Variants in ANK2 observed in about 807,000 individuals in gnomAD.
The protein encoded by ANK2 is ankyrin 2.
Under a neutral mutation model 360.5 loss-of-function variants are expected in ANK2, and 83 were observed. The ratio of observed to expected loss-of-function variants is 0.23; its 90% confidence interval spans 0.19 to 0.28. The LOEUF (loss-of-function observed/expected upper bound fraction) is 0.28. Among genes scored for constraint, ANK2 ranks in the 10% least tolerant of loss-of-function variants. ANK2 has a pLI of 1.00. For missense variants in ANK2, 4,201 were observed against 4,795.7 expected (o/e 0.88, Z 3.66); for synonymous variants, 1,740 against 1,759.5 (o/e 0.99, Z 0.28).
chr4:113,111,527 TA>T (rs1158463758), intron 1 of ANK2, among the ~76,000 whole-genome samples: 3 of 152,120 alleles, frequency 2.0e-5, no homozygotes, highest in African/African-American at 7.2e-5. Context: ...TTGACCAAAG[TA>T]AAAGGGCTAA....
chr4:112,890,556 G>GTTTT (rs754680934), intron 1 of ANK2, among the ~76,000 whole-genome samples: 3,913 of 67,460 alleles, frequency 0.058, 665 homozygotes, highest in Admixed American at 0.079. Context: ...CATTTCTGTG[G>GTTTT]TTTTTTTTTT....
chr4:113,340,512 G>C (rs992340811), intron 32 of ANK2, among the ~76,000 whole-genome samples: 1 of 152,064 alleles, frequency 6.6e-6, no homozygotes, highest in African/African-American at 2.4e-5. Flanking sequence ...GGGCAACATG[G>C]TGAAACCCTG....
intron 3 of ANK2, among the ~76,000 whole-genome samples, chr4:113,197,355 C>T (rs1313165729): frequency 6.6e-6 from 1 of 152,192 alleles, no homozygotes; most frequent in African/African-American, 2.4e-5. Flanking sequence ...CATATTTGAA[C>T]TTGTCGAGGA....
At chr4:113,201,519 C>T (rs80153228) in intron 4 of ANK2, among the ~76,000 whole-genome samples, 7,306 of 152,254 alleles carry the variant, frequency 0.048, 215 homozygotes, top group African/African-American at 0.078. Context: ...CAATAATGTA[C>T]TTATACATCA....
chr4:113,076,294 G>A (rs1201838366), intron 1 of ANK2, among the ~76,000 whole-genome samples: 1 of 152,212 alleles, frequency 6.6e-6, no homozygotes, highest in East Asian at 1.9e-4. Flanking sequence ...GCCGCATGTG[G>A]CCTGCGGGCC....
intron 1 of ANK2, among the ~76,000 whole-genome samples, chr4:112,889,247 C>G (rs375090399): frequency 6.7e-6 from 1 of 148,202 alleles, no homozygotes; most frequent in East Asian, 2.0e-4. Flanking sequence ...AAAAAAAAAA[C>G]AAAACCTTAA....
intron 1 of ANK2, among the ~76,000 whole-genome samples, chr4:113,108,445 G>A (rs1180222002): frequency 6.6e-6 from 1 of 152,050 alleles, no homozygotes; most frequent in Non-Finnish European, 1.5e-5. Context: ...AATTGCAATA[G>A]CAACTACAAT....
chr4:112,831,044 T>C (rs1250951773), intron 1 of ANK2, among the ~76,000 whole-genome samples: 1 of 152,168 alleles, frequency 6.6e-6, no homozygotes, highest in Non-Finnish European at 1.5e-5. Flanking sequence ...CATCTCACCA[T>C]AGGGCAGGGC....
chr4:112,736,005 AC>A, the ANK2 span, among the ~76,000 whole-genome samples: 1 of 152,194 alleles, frequency 6.6e-6, no homozygotes, highest in East Asian at 1.9e-4. Flanking sequence ...ACTATAATTT[AC>A]ATAGTCTATG....
At chr4:112,962,050 A>G (rs1561304004) in intron 2 of ANK2, among the ~76,000 whole-genome samples, 1 of 152,146 alleles carries the variant, frequency 6.6e-6, no homozygotes. Flanking sequence ...CTTTTAGAGA[A>G]TGGGAATTTA....
intron 1 of ANK2, among the ~76,000 whole-genome samples, chr4:113,122,639 A>T (rs1259848001): frequency 6.6e-6 from 1 of 152,022 alleles, no homozygotes; most frequent in African/African-American, 2.4e-5. Context: ...CTTAGTGTCT[A>T]CTTATATGTG....
intron 1 of ANK2, among the ~76,000 whole-genome samples, chr4:113,157,336 C>T (rs13152297): frequency 0.68 from 104,120 of 152,064 alleles, 36,216 homozygotes; most frequent in African/African-American, 0.8. Flanking sequence ...TAACAGTCTA[C>T]GTGCTGTTAT....
At chr4:112,951,498 T>G (rs2094995265) in intron 2 of ANK2, among the ~76,000 whole-genome samples, 1 of 152,252 alleles carries the variant, frequency 6.6e-6, no homozygotes, top group Admixed American at 6.5e-5. Context: ...GTAATTTCTT[T>G]GTAAATTCCT....
chr4:113,311,114 TG>T, intron 23 of ANK2, 140 bp from the exon 24 acceptor site: 1 of 1,001,762 alleles, frequency 1.0e-6, no homozygotes, highest in Non-Finnish European at 1.5e-6. Context: ...AGTTGTTTGC[TG>T]GTGTTCTGTG....
the ANK2 span, among the ~76,000 whole-genome samples, chr4:112,739,265 G>A: frequency 6.6e-6 from 1 of 152,158 alleles, no homozygotes; most frequent in African/African-American, 2.4e-5. Flanking sequence ...ATATTTAATG[G>A]TTTGATGCAC....
Position 113,038,146 on chromosome 4 carries a change from G to A in ANK2, c.21+133632G>A, listed in dbSNP as rs1298109741. ...TGTTACGAGGTCATATAGATGTTAC[G>A]TAGAAGAGGAGGGGCCAAGGAGAGT... On this transcript the variant is annotated intron_variant, in intron 2 of 30. Coordinates refer to the ANK2 transcript ENST00000503271. 4.6e-5 allele frequency among the ~76,000 whole-genome samples: 7 copies of A among 151,750 alleles called. No homozygotes were observed. In the East Asian group the frequency reaches 9.7e-4, roughly 21 times the overall value.
At chr4:112,950,681 A>G (rs1442844456) in intron 2 of ANK2, among the ~76,000 whole-genome samples, 1 of 151,780 alleles carries the variant, frequency 6.6e-6, no homozygotes, top group Non-Finnish European at 1.5e-5. Context: ...AGAAAGGTTA[A>G]AAAATAAAAA....
intron 4 of ANK2, among the ~76,000 whole-genome samples, chr4:113,200,368 T>C (rs2098812284): frequency 6.6e-6 from 1 of 152,198 alleles, no homozygotes; most frequent in Non-Finnish European, 1.5e-5. Flanking sequence ...CAAACTTTAT[T>C]TTACTTAGAT....
chr4:113,225,180 T>G (rs972410446), intron 4 of ANK2, among the ~76,000 whole-genome samples: 1 of 152,218 alleles, frequency 6.6e-6, no homozygotes, highest in Non-Finnish European at 1.5e-5. Flanking sequence ...TAATGTTCTC[T>G]CTGATCTGTG....
Sources: allele counts gnomAD v4.1 joint callset (sites outside exome capture counted in the v4.1 genomes callset), GRCh38; gene constraint gnomAD v4.1.1; transcripts MANE v1.5; gene names NCBI Gene and HGNC (gene_info 2026-07-23, HGNC 2026-07-21).